ADGRL3: variants seen among roughly 807,000 people sequenced by gnomAD.
ADGRL3 encodes the protein adhesion G protein-coupled receptor L3.
A neutral mutation model predicts 153.5 loss-of-function variants in ADGRL3; 62 were observed. That is an observed-to-expected ratio of 0.40 (90% CI 0.33 to 0.50). The LOEUF is 0.50. ADGRL3 is among the 20% of genes least tolerant of loss of function. ADGRL3 has a pLI of 0.47. For missense variants in ADGRL3, 1,641 were observed against 1,859.4 expected, an observed-to-expected ratio of 0.88 and a Z score of 2.16; for synonymous variants, 710 against 672.5, an observed-to-expected ratio of 1.06 and a Z score of -0.86.
Position 62,070,399 on chromosome 4 carries a change from G to C in ADGRL3, c.4123G>C (p.Ala1375Pro). ...NNLGSGREDD[A>P]IVLDDATSFN... Reference sequence around the variant, plus strand: ...CCTTGGCAGTGGAAGGGAAGATGATGCCATTGTCCTGGATGATGCCACCTC... The same window carrying C: ...CCTTGGCAGTGGAAGGGAAGATGATCCCATTGTCCTGGATGATGCCACCTC... Residue 1375 changes from alanine (A) to proline (P), a missense_variant, in exon 27 of 27, where the codon GCC becomes CCC. By Grantham distance (27) the Ala-to-Pro change is conservative. Around this residue, in one of 5 missense-constraint regions of ADGRL3, gnomAD observed 517 missense variants for 555.0 expected, o/e 0.93. Coordinates refer to ENST00000683033, the MANE Select transcript of ADGRL3 (RefSeq NM_001387552.1). 1 of 1,552,078 alleles carries C rather than the reference G, an allele frequency of 6.4e-7. No individual in the cohort carries two copies. The highest frequency in any genetic ancestry group is 2.4e-5 in the East Asian group (1 of 40,876).
At chr4:61,245,226 T>C (rs1756572656) in intron 1 of ADGRL3, among the ~76,000 whole-genome samples, 1 of 152,186 alleles carries the variant, frequency 6.6e-6, no homozygotes, top group East Asian at 1.9e-4. Flanking sequence ...ATTACACATA[T>C]AAGGTTTTTA....
chr4:61,903,337 A>G (rs1023014301), intron 11 of ADGRL3, among the ~76,000 whole-genome samples: 5 of 152,036 alleles, frequency 3.3e-5, no homozygotes, highest in East Asian at 1.9e-4. Flanking sequence ...CTGTATTCCC[A>G]TAATACGTCA....
chr4:61,261,806 A>T (rs1190228589), intron 1 of ADGRL3, among the ~76,000 whole-genome samples: 3 of 152,196 alleles, frequency 2.0e-5, no homozygotes, highest in Non-Finnish European at 4.4e-5. Flanking sequence ...AAAAGCAGTA[A>T]CATCTAAATT....
chr4:61,665,034 G>A (rs2094736372), intron 5 of ADGRL3, among the ~76,000 whole-genome samples: 1 of 152,170 alleles, frequency 6.6e-6, no homozygotes, highest in Non-Finnish European at 1.5e-5. Flanking sequence ...ATGTTGTCAT[G>A]CCATAGGCAG....
chr4:61,263,362 C>T (rs2092660171), intron 1 of ADGRL3, among the ~76,000 whole-genome samples: 1 of 150,490 alleles, frequency 6.6e-6, no homozygotes. Context: ...TAGGCTATTC[C>T]TAATGGGGAG....
chr4:61,665,875 C>T (rs1423957682), intron 5 of ADGRL3, among the ~76,000 whole-genome samples: 1 of 152,056 alleles, frequency 6.6e-6, no homozygotes, highest in Non-Finnish European at 1.5e-5. Context: ...GGAGATAAAA[C>T]ATGTATGGAG....
intron 1 of ADGRL3, among the ~76,000 whole-genome samples, chr4:61,307,870 T>C (rs1379825070): frequency 6.6e-6 from 1 of 152,176 alleles, no homozygotes. Context: ...TTAATCATAT[T>C]CTCCCTCTCT....
chr4:61,883,380 A>G (rs2098519732), intron 9 of ADGRL3, among the ~76,000 whole-genome samples: 1 of 152,176 alleles, frequency 6.6e-6, no homozygotes, highest in African/African-American at 2.4e-5. Context: ...TAAGCAATCA[A>G]TAATTCTTGG....
At chr4:62,011,504 G>A (rs2099186504) in intron 21 of ADGRL3, among the ~76,000 whole-genome samples, 1 of 151,984 alleles carries the variant, frequency 6.6e-6, no homozygotes, top group Non-Finnish European at 1.5e-5. Context: ...TGGGGTAAGT[G>A]TCTTATGATC....
chr4:61,557,650 G>A (rs1041782814), intron 4 of ADGRL3, among the ~76,000 whole-genome samples: 1 of 152,124 alleles, frequency 6.6e-6, no homozygotes, highest in Non-Finnish European at 1.5e-5. Flanking sequence ...TAATGCTAAA[G>A]TGCTTTAGGT....
intron 1 of ADGRL3, among the ~76,000 whole-genome samples, chr4:61,357,532 T>G (rs1406102976): frequency 6.6e-6 from 1 of 152,134 alleles, no homozygotes; most frequent in Non-Finnish European, 1.5e-5. Context: ...AATTACATAG[T>G]TGTAATATTC....
chr4:61,608,280 G>A lies in ADGRL3; in HGVS notation c.473+20840G>A, dbSNP rs541967358. Among the ~76,000 whole-genome samples the A allele has an allele frequency of 3.3e-5, 5 of 152,268 alleles. No individual in the cohort carries two copies. The South Asian group carries it at 6.2e-4, about 19-fold the overall frequency. ...GATGTCCTTGAACTTGGCAGAGGCCGAACATCTAACAATGCTGTTAGTTCT... is the reference window on the plus strand; with the variant it reads ...GATGTCCTTGAACTTGGCAGAGGCCAAACATCTAACAATGCTGTTAGTTCT... On this transcript the variant is annotated intron_variant, in intron 5 of 26. Coordinates refer to ENST00000683033, the MANE Select transcript of ADGRL3 (RefSeq NM_001387552.1).
intron 8 of ADGRL3, among the ~76,000 whole-genome samples, chr4:61,746,764 C>T (rs564720068): frequency 5.4e-4 from 82 of 152,062 alleles, no homozygotes; most frequent in African/African-American, 1.8e-3. Flanking sequence ...AGGAAAGATC[C>T]AAAATTGACA....
chr4:61,586,294 A>T (rs1254055083), intron 4 of ADGRL3, among the ~76,000 whole-genome samples: 1 of 152,012 alleles, frequency 6.6e-6, no homozygotes, highest in Non-Finnish European at 1.5e-5. Context: ...CAAGGTGCAC[A>T]GATAGGTTTA....
intron 25 of ADGRL3, among the ~76,000 whole-genome samples, chr4:62,059,043 G>A (rs576325121): frequency 1.3e-5 from 2 of 152,286 alleles, no homozygotes; most frequent in Admixed American, 1.3e-4. Flanking sequence ...GCTAGGTTTT[G>A]TTTTCAGCAC....
Position 61,201,169 on chromosome 4 carries a change from G to C in ADGRL3, c.-836G>C, listed in dbSNP as rs1312985018. The C allele has an allele frequency of 6.6e-6, 1 of 150,872 alleles. No individual in the cohort carries two copies. Among genetic ancestry groups the C allele is most frequent in the Non-Finnish European group, 1.5e-5 (1 of 67,834 alleles). 9.3% of individuals were successfully genotyped at this position (150,872 alleles called of 1,614,324 possible). A position where few individuals can be genotyped will look rare whatever the true frequency, so the allele number is the denominator to read the frequency against. On this transcript the variant is annotated 5_prime_UTR_variant, in exon 1 of 27. Coordinates refer to ENST00000683033, the MANE Select transcript of ADGRL3 (RefSeq NM_001387552.1). Reference sequence around the variant, plus strand: ...AGGGGAGGACGTGGAAGAAGAAAAAGAAAGAGAAGGGGGGTGGGGTGGGAG... The same window carrying C: ...AGGGGAGGACGTGGAAGAAGAAAAACAAAGAGAAGGGGGGTGGGGTGGGAG...
chr4:61,902,788 A>G (rs561813387), intron 11 of ADGRL3, among the ~76,000 whole-genome samples: 13 of 152,254 alleles, frequency 8.5e-5, no homozygotes, highest in Admixed American at 2.6e-4. Flanking sequence ...TTATTCCCTA[A>G]TCACATACAC....
chr4:61,587,318 C>T lies in ADGRL3; in HGVS notation c.351C>T (p.Asp117=), dbSNP rs530277678. The change falls in exon 5 of 27, where the codon GAC becomes GAT. Residue 117 remains aspartate (D), a synonymous_variant. Transcript: ENST00000683033. The part of the protein sequence containing the change: ...YPIELRCPGT[D]VIMIESANYG... The stretch of plus-strand genomic sequence containing the variant: ...TAGAGCTTCGCTGTCCAGGAACAGA[C>T]GTCATCATGATAGAAAGTGCCAACT... 17 of 1,611,946 alleles carry T rather than the reference C, an allele frequency of 1.1e-5. No homozygotes were observed. The highest frequency in any genetic ancestry group is 5.0e-5 in the Admixed American group (3 of 59,768).
At chr4:61,712,130 A>G (rs1431797033) in intron 6 of ADGRL3, among the ~76,000 whole-genome samples, 1 of 152,162 alleles carries the variant, frequency 6.6e-6, no homozygotes, top group African/African-American at 2.4e-5. Flanking sequence ...TTGGTGGCTC[A>G]TGAGTATAAT....
Sources: allele counts gnomAD v4.1 joint callset (sites outside exome capture counted in the v4.1 genomes callset), GRCh38; gene constraint gnomAD v4.1.1; regional missense constraint gnomAD v4.1.1; transcripts MANE v1.5; gene names NCBI Gene and HGNC (gene_info 2026-07-23, HGNC 2026-07-21).